The following SCAPER variants were observed in gnomAD, a reference collection of about 807,000 sequenced individuals.
The protein encoded by SCAPER is S phase cyclin A-associated protein in the endoplasmic reticulum.
Under a neutral mutation model 182.2 loss-of-function variants are expected in SCAPER, and 98 were observed. The observed-to-expected ratio is 0.54, with a 90% CI of 0.46 to 0.64. The LOEUF is 0.64. SCAPER is among the 30% of genes least tolerant of loss of function. SCAPER has a pLI of 0.00. For synonymous variants in SCAPER, 605 were observed against 564.6 expected, an observed-to-expected ratio of 1.07 and a Z score of -1.01; for missense variants, 1,432 against 1,690.0, an observed-to-expected ratio of 0.85 and a Z score of 2.68.
intron 29 of SCAPER, among the ~76,000 whole-genome samples, chr15:76,361,612 A>G (rs2041425831): frequency 6.6e-6 from 1 of 152,248 alleles, no homozygotes; most frequent in Non-Finnish European, 1.5e-5. Flanking sequence ...AGGAAGAAGC[A>G]CCAGCTGACA....
intron 17 of SCAPER, 83 bp from the exon 18 acceptor site, chr15:76,706,067 T>C (rs574569627): frequency 5.3e-5 from 54 of 1,011,906 alleles, no homozygotes; most frequent in South Asian, 5.0e-4. Flanking sequence ...TTAGGACACA[T>C]AGGGTCATAT....
chr15:76,541,172 A>G (rs1033906261), intron 23 of SCAPER, among the ~76,000 whole-genome samples: 36 of 151,798 alleles, frequency 2.4e-4, no homozygotes, highest in African/African-American at 8.0e-4. Context: ...AAATGTTTAT[A>G]AGTTATGCAT....
intron 29 of SCAPER, among the ~76,000 whole-genome samples, chr15:76,360,716 T>G (rs2041346574): frequency 6.6e-6 from 1 of 152,224 alleles, no homozygotes; most frequent in Non-Finnish European, 1.5e-5. Flanking sequence ...TCTTCTTGGC[T>G]TGGTATCAAA....
At chr15:76,662,316 G>A (rs1407698789) in intron 21 of SCAPER, among the ~76,000 whole-genome samples, 1 of 152,114 alleles carries the variant, frequency 6.6e-6, no homozygotes, top group Admixed American at 6.6e-5. Flanking sequence ...CATTCTGCAC[G>A]TGTATCCTGG....
intron 23 of SCAPER, among the ~76,000 whole-genome samples, chr15:76,535,082 G>A (rs1460138998): frequency 6.6e-6 from 1 of 152,016 alleles, no homozygotes; most frequent in African/African-American, 2.4e-5. Flanking sequence ...GGCTTAACTT[G>A]GGCCACAAAA....
At chr15:76,855,387 CCAAAAGCAATTGACA>C (rs1449130254) in intron 4 of SCAPER, among the ~76,000 whole-genome samples, 3 of 146,846 alleles carry the variant, frequency 2.0e-5, no homozygotes, top group Non-Finnish European at 4.5e-5. Context: ...GACAAAGACA[CCAAAAGCAATTGACA>C]CAAAAGCAAA....
chr15:76,679,240 A>G (rs1031814713), intron 20 of SCAPER, among the ~76,000 whole-genome samples: 2 of 152,186 alleles, frequency 1.3e-5, no homozygotes, highest in African/African-American at 4.8e-5. Context: ...GGCTCACATG[A>G]CATCTTTTAC....
chr15:76,721,280 T>C (rs1402074714), intron 17 of SCAPER, among the ~76,000 whole-genome samples: 1 of 152,174 alleles, frequency 6.6e-6, no homozygotes, highest in Non-Finnish European at 1.5e-5. Context: ...GTTCCATTGG[T>C]CTATAACTCT....
intron 26 of SCAPER, among the ~76,000 whole-genome samples, chr15:76,432,791 G>C (rs932137853): frequency 6.6e-6 from 1 of 152,166 alleles, no homozygotes; most frequent in African/African-American, 2.4e-5. Context: ...ACAGGTGTTG[G>C]GAGTCCAGCT....
intron 20 of SCAPER, among the ~76,000 whole-genome samples, chr15:76,700,232 T>C (rs2147243861): frequency 1.3e-5 from 2 of 152,314 alleles, no homozygotes; most frequent in East Asian, 3.9e-4. Context: ...CAAAGCCACC[T>C]AGAGGAACAC....
intron 22 of SCAPER, among the ~76,000 whole-genome samples, chr15:76,577,889 C>G (rs1215257504): frequency 6.6e-6 from 1 of 151,978 alleles, no homozygotes; most frequent in Non-Finnish European, 1.5e-5. Flanking sequence ...GGCAGAGCAA[C>G]AAGAGGGTTC....
intron 8 of SCAPER, among the ~76,000 whole-genome samples, chr15:76,788,703 T>C (rs989364913): frequency 5.3e-5 from 8 of 152,234 alleles, no homozygotes; most frequent in African/African-American, 1.9e-4. Context: ...TAAGTAAAAG[T>C]ATGTTTACAT....
rs138300791 is a variant in SCAPER at position 76,452,292 on chromosome 15, G to A, written c.3079-17982C>T. Among the ~76,000 whole-genome samples, 37 of 152,310 alleles carry A rather than the reference G, an allele frequency of 2.4e-4. No individual in the cohort carries two copies. The East Asian group carries it at 7.1e-3, about 29-fold the overall frequency. On this transcript the variant is annotated intron_variant, in intron 25 of 31. Transcript: ENST00000563290. Reference sequence around the variant, plus strand: ...CTGATCCTGGCCTTTGTGCCTTTCAGTTGTAGTAGTCTTTTCCCTGCAGCT... The same window carrying A: ...CTGATCCTGGCCTTTGTGCCTTTCAATTGTAGTAGTCTTTTCCCTGCAGCT...
intron 2 of SCAPER, among the ~76,000 whole-genome samples, chr15:76,870,361 T>C (rs554248048): frequency 7.9e-5 from 12 of 151,836 alleles, no homozygotes; most frequent in African/African-American, 2.7e-4. Context: ...ATTATGTACA[T>C]CTCTTATGCA....
intron 2 of SCAPER, among the ~76,000 whole-genome samples, chr15:76,864,081 C>T (rs1338884850): frequency 1.3e-5 from 2 of 152,148 alleles, no homozygotes; most frequent in Admixed American, 1.3e-4. Context: ...ACAAAAATCA[C>T]CCAGTCAACT....
At position 76,389,540 on chromosome 15, in the gene SCAPER, G is replaced by A. The variant is rs1442961827; in HGVS notation, c.3468-7925C>T. ...AAAAAAAAAAAAAAAAAGGCCGGGC[G>A]CGGTGGCTCACACCTGTAATCCCAG... On this transcript the variant is annotated intron_variant, in intron 27 of 31. Coordinates refer to ENST00000563290, the MANE Select transcript of SCAPER (RefSeq NM_020843.4). Among the ~76,000 whole-genome samples the A allele has an allele frequency of 1.5e-3, 205 of 136,746 alleles. 1 individual carries two copies. Among genetic ancestry groups the A allele is most frequent in the African/African-American group, 4.8e-3 (178 of 37,132 alleles). 89.7% of individuals were successfully genotyped at this position (136,746 alleles called of 152,430 possible).
At chr15:76,657,311 A>C (rs1397769514) in intron 21 of SCAPER, among the ~76,000 whole-genome samples, 1 of 152,118 alleles carries the variant, frequency 6.6e-6, no homozygotes, top group African/African-American at 2.4e-5. Flanking sequence ...GAAATTGATA[A>C]ATTCCTGGAA....
intron 23 of SCAPER, among the ~76,000 whole-genome samples, 169 bp from the exon 24 acceptor site, chr15:76,505,143 T>C (rs1022569039): frequency 6.6e-6 from 1 of 152,186 alleles, no homozygotes; most frequent in Admixed American, 6.6e-5. Context: ...CTAGGAAATA[T>C]AGGTCAAAAG....
At chr15:76,437,912 AC>A (rs1252185170) in intron 25 of SCAPER, among the ~76,000 whole-genome samples, 1 of 152,200 alleles carries the variant, frequency 6.6e-6, no homozygotes, top group East Asian at 1.9e-4. Context: ...TTTTGTCCAG[AC>A]CCTAAAGATT....
Sources: allele counts gnomAD v4.1 joint callset (sites outside exome capture counted in the v4.1 genomes callset), GRCh38; gene constraint gnomAD v4.1.1; transcripts MANE v1.5; gene names NCBI Gene and HGNC (gene_info 2026-07-23, HGNC 2026-07-21).